The following SOX5 variants were observed in gnomAD, a reference collection of about 807,000 sequenced individuals.
SOX5 encodes the protein SRY-box transcription factor 5.
In SOX5, 9 loss-of-function variants were observed where a neutral mutation model predicts 92.0. That is an observed-to-expected ratio of 0.10 (90% CI 0.06 to 0.17). The LOEUF (loss-of-function observed/expected upper bound fraction) is 0.17, where lower values mean the gene tolerates loss of function less well. SOX5 is among the 10% of genes least tolerant of loss of function. SOX5 has a pLI of 1.00. For synonymous variants in SOX5, 344 were observed against 336.3 expected (o/e 1.02, Z -0.25); for missense variants, 642 against 944.5 (o/e 0.68, Z 4.20).
At chr12:23,735,633 CTTTGT>C (rs1442300718) in intron 5 of SOX5, among the ~76,000 whole-genome samples, 5 of 152,150 alleles carry the variant, frequency 3.3e-5, no homozygotes, top group African/African-American at 1.2e-4. Context: ...TAGCCTAGAA[CTTTGT>C]TTTAAGCATC....
chr12:23,813,062 C>G (rs1416186142), intron 3 of SOX5, among the ~76,000 whole-genome samples: 4 of 152,118 alleles, frequency 2.6e-5, no homozygotes, highest in Non-Finnish European at 5.9e-5. Context: ...CTAAACCATT[C>G]CATTCCAGAA....
chr12:23,836,001 G>C (rs900900663), intron 3 of SOX5, among the ~76,000 whole-genome samples: 6 of 151,716 alleles, frequency 4.0e-5, no homozygotes, highest in Non-Finnish European at 5.9e-5. Flanking sequence ...ATTGAAAGAA[G>C]CATTTTATAT....
intron 1 of SOX5, among the ~76,000 whole-genome samples, chr12:24,481,077 A>T (rs902718029): frequency 1.3e-5 from 2 of 152,226 alleles, no homozygotes; most frequent in African/African-American, 4.8e-5. Context: ...TTCAGCCATG[A>T]AAAAGAATGA....
intron 3 of SOX5, among the ~76,000 whole-genome samples, chr12:23,774,139 A>C (rs771621234): frequency 6.6e-6 from 1 of 152,202 alleles, no homozygotes; most frequent in Non-Finnish European, 1.5e-5. Flanking sequence ...GATAGCTGCT[A>C]TCATCTTCAT....
At chr12:24,168,470 A>G (rs1442826451) in intron 4 of SOX5, among the ~76,000 whole-genome samples, 1 of 152,206 alleles carries the variant, frequency 6.6e-6, no homozygotes, top group Non-Finnish European at 1.5e-5. Context: ...TGTAATTTGT[A>G]TTTCAATAGA....
At chr12:24,134,690 TG>T (rs1949958130) in intron 4 of SOX5, among the ~76,000 whole-genome samples, 1 of 152,104 alleles carries the variant, frequency 6.6e-6, no homozygotes, top group Non-Finnish European at 1.5e-5. Context: ...GAATGAACAA[TG>T]GGCCAGAGAT....
At chr12:24,179,329 C>T (rs777978264) in intron 4 of SOX5, among the ~76,000 whole-genome samples, 3 of 152,066 alleles carry the variant, frequency 2.0e-5, no homozygotes, top group Non-Finnish European at 2.9e-5. Context: ...TAAAATAGTT[C>T]GACTTACAAT....
chr12:23,876,521 C>T (rs2096928618), intron 2 of SOX5, among the ~76,000 whole-genome samples: 1 of 152,190 alleles, frequency 6.6e-6, no homozygotes, highest in Non-Finnish European at 1.5e-5. Context: ...TGCTTTTACA[C>T]TGTTCGTAGG....
intron 4 of SOX5, among the ~76,000 whole-genome samples, chr12:24,024,257 A>G (rs997715698): frequency 6.6e-6 from 1 of 152,028 alleles, no homozygotes; most frequent in Admixed American, 6.6e-5. Context: ...TCTATTTTAC[A>G]CATTGTAAAG....
intron 1 of SOX5, among the ~76,000 whole-genome samples, chr12:24,425,018 TAGGGGGGAGAGAGAC>T (rs1467458893): frequency 2.6e-5 from 4 of 151,690 alleles, no homozygotes; most frequent in African/African-American, 9.7e-5. Context: ...AGCAATGAAA[TAGGGGGGAGAGAGAC>T]AGAACTGCCT....
At chr12:24,095,128 CAGAGAGAGAG>C (rs764681203) in intron 4 of SOX5, among the ~76,000 whole-genome samples, 24 of 90,212 alleles carry the variant, frequency 2.7e-4, no homozygotes, top group South Asian at 8.9e-4. Flanking sequence ...CACACACACA[CAGAGAGAGAG>C]AGAGAGAGAG....
chr12:23,976,023 T>C lies in SOX5; in HGVS notation c.-1-79999A>G, dbSNP rs74675728. ...CACCACAATGAGCAAAAAGAAATAT[T>C]TTATGTATAATATAAATGTACAAAT... On this transcript the variant is annotated intron_variant, in intron 4 of 4. Transcript: ENST00000446891. Among the ~76,000 whole-genome samples, 1,051 of 152,180 alleles carry C rather than the reference T, an allele frequency of 6.9e-3. 15 individuals carry two copies. The highest frequency in any genetic ancestry group is 0.024 in the African/African-American group (1,002 of 41,548).
rs144723082 is a variant in SOX5, at chr12:24,026,352, A to G, written c.-1-130328T>C. ...GAGATATCCAAGAACTTTTTAAAAA[A>G]ATTCACTGATTGTAATTTAATAGTG... On this transcript the variant is annotated intron_variant, in intron 4 of 4. Transcript: ENST00000446891. Among the ~76,000 whole-genome samples, 45 of 152,178 alleles carry G rather than the reference A, an allele frequency of 3.0e-4. 2 individuals carry two copies. The highest frequency in any genetic ancestry group is 1.0e-3 in the African/African-American group (42 of 41,562).
intron 3 of SOX5, among the ~76,000 whole-genome samples, chr12:23,783,407 A>G (rs1456923191): frequency 2.0e-5 from 3 of 152,204 alleles, no homozygotes; most frequent in Non-Finnish European, 2.9e-5. Flanking sequence ...CAGATAATCA[A>G]ATGATAATTT....
At chr12:24,522,356 C>G (rs1054698062) in intron 1 of SOX5, among the ~76,000 whole-genome samples, 1 of 150,024 alleles carries the variant, frequency 6.7e-6, no homozygotes, top group African/African-American at 2.5e-5. Context: ...AAAATTAATG[C>G]CAAGCCTTTT....
At chr12:23,692,369 G>A (rs2088992830) in intron 6 of SOX5, among the ~76,000 whole-genome samples, 1 of 151,592 alleles carries the variant, frequency 6.6e-6, no homozygotes, top group Non-Finnish European at 1.5e-5. Flanking sequence ...CCCAGGAGGT[G>A]GAGGTTGCAT....
intron 1 of SOX5, among the ~76,000 whole-genome samples, chr12:24,496,108 T>A (rs1436246238): frequency 1.3e-5 from 2 of 152,206 alleles, no homozygotes; most frequent in Non-Finnish European, 2.9e-5. Flanking sequence ...GTAGTCTCTA[T>A]ACTCCCCGAT....
intron 2 of SOX5, among the ~76,000 whole-genome samples, chr12:24,359,875 AT>A (rs557712640): frequency 4.0e-4 from 61 of 152,312 alleles, no homozygotes; most frequent in South Asian, 3.9e-3. Context: ...TCATTCCCCA[AT>A]TCTGGATTTA....
chr12:24,519,781 A>G (rs972170144), intron 1 of SOX5, among the ~76,000 whole-genome samples: 1 of 152,214 alleles, frequency 6.6e-6, no homozygotes, highest in East Asian at 1.9e-4. Context: ...TGATTCGTAC[A>G]CATCTTAACA....
Sources: gnomAD v4.1 joint callset for allele counts (sites outside exome capture counted in the v4.1 genomes callset) on GRCh38, gnomAD v4.1.1 for gene constraint, MANE v1.5 for transcripts, NCBI Gene and HGNC (gene_info 2026-07-23, HGNC 2026-07-21) for gene names.